IL16: variants seen among roughly 807,000 people sequenced by gnomAD.
IL16 encodes interleukin 16, also known as pro-interleukin-16.
Under a neutral mutation model 110.1 loss-of-function variants are expected in IL16, and 67 were observed. The ratio of observed to expected loss-of-function variants is 0.61; its 90% confidence interval spans 0.50 to 0.75. IL16 has a LOEUF of 0.75. IL16 is among the 30% of genes least tolerant of loss of function. The pLI is 0.00. For missense variants in IL16, 1,545 were observed against 1,655.0 expected, an observed-to-expected ratio of 0.93 and a Z score of 1.15; for synonymous variants, 689 against 662.9, an observed-to-expected ratio of 1.04 and a Z score of -0.61.
In IL16 at chr15:81,308,803, G is replaced by A; in HGVS notation, c.*5G>A. The A allele has an allele frequency of 6.8e-6, 11 of 1,607,772 alleles. No individual in the cohort carries two copies. Among genetic ancestry groups the A allele is most frequent in the Non-Finnish European group, 8.5e-6 (10 of 1,177,924 alleles). On this transcript the variant is annotated 3_prime_UTR_variant, in exon 19 of 19. Coordinates refer to ENST00000683961, the MANE Select transcript of IL16 (RefSeq NM_172217.5). ...ACAGCTGCTGGAGACTCCTAGGCAG[G>A]ACATGCTGAAGCCAAAGCCAATAAC...
Position 81,296,935 on chromosome 15 carries a change from G to C in IL16, c.1910G>C (p.Arg637Thr), listed in dbSNP as rs1232140347. 6.2e-7 allele frequency: 1 copy of C among 1,610,162 alleles called. No individual in the cohort carries two copies. ...HTPPTCGQEA[R>T]ELLPLLLPQE... is the part of the protein sequence containing the mutation. ...TTCCTGTTTACACCACAGGAAGCGAGAGAGCTGCTGCCACTGCTGCTACCA... is the reference window on the plus strand; with the variant it reads ...TTCCTGTTTACACCACAGGAAGCGACAGAGCTGCTGCCACTGCTGCTACCA... Residue 637 changes from arginine (R) to threonine (T), a missense_variant, in exon 13 of 19, where the codon AGA becomes ACA. By Grantham distance (71) the Arg-to-Thr change is moderately conservative (BLOSUM62 -1). Around this residue, in one of 3 missense-constraint regions of IL16, gnomAD observed 1,185 missense variants for 1,238.8 expected, o/e 0.96. Transcript: ENST00000683961.
chr15:81,286,257 A>G (rs920277775), intron 10 of IL16, among the ~76,000 whole-genome samples: 1 of 152,240 alleles, frequency 6.6e-6, no homozygotes, highest in African/African-American at 2.4e-5. Context: ...CATACAAATA[A>G]TTGCAAAACA....
intron 10 of IL16, among the ~76,000 whole-genome samples, chr15:81,289,264 T>G (rs1899596622): frequency 6.6e-6 from 1 of 152,114 alleles, no homozygotes; most frequent in African/African-American, 2.4e-5. Flanking sequence ...GCCTCCCTAG[T>G]AGCAGGGATT....
chr15:81,210,778 T>C (rs1595950688), intron 1 of IL16, among the ~76,000 whole-genome samples: 2 of 152,256 alleles, frequency 1.3e-5, no homozygotes, highest in East Asian at 3.8e-4. Context: ...TAGATTCATA[T>C]TGACAACGAA....
Position 81,300,176 on chromosome 15 carries a change from G to A in IL16, c.2850G>A (p.Glu950=), listed in dbSNP as rs760970110. The part of the protein sequence containing the change: ...PLLRLLSTQA[E]ESQGPVLKMP... ...TAAGGCTGCTGTCAACACAGGCTGAGGAATCTCAAGGCCCAGTGCTCAAGA... is the reference window on the plus strand; with the variant it reads ...TAAGGCTGCTGTCAACACAGGCTGAAGAATCTCAAGGCCCAGTGCTCAAGA... The change falls in exon 14 of 19, where the codon GAG becomes GAA. Residue 950 remains glutamate (E), a synonymous_variant. Coordinates refer to ENST00000683961, the MANE Select transcript of IL16 (RefSeq NM_172217.5). The A allele has an allele frequency of 1.2e-6, 2 of 1,614,136 alleles. No homozygotes were observed. The highest frequency in any genetic ancestry group is 1.7e-5 in the Admixed American group (1 of 60,022).
intron 3 of IL16, among the ~76,000 whole-genome samples, chr15:81,263,481 T>C (rs1898244434): frequency 1.3e-5 from 2 of 152,118 alleles, no homozygotes. Flanking sequence ...CCTAGTTGGC[T>C]GGAGTGCGTC....
intron 2 of IL16, among the ~76,000 whole-genome samples, chr15:81,232,644 A>G (rs1897049609): frequency 6.6e-6 from 1 of 152,222 alleles, no homozygotes; most frequent in African/African-American, 2.4e-5. Flanking sequence ...TTACTTTTTC[A>G]TGTAGTGAAT....
At chr15:81,230,549 G>A (rs1473339488) in intron 2 of IL16, among the ~76,000 whole-genome samples, 1 of 152,164 alleles carries the variant, frequency 6.6e-6, no homozygotes, top group Non-Finnish European at 1.5e-5. Flanking sequence ...GCAGGTGTAA[G>A]CATAGTTAAT....
At chr15:81,236,285 G>C (rs960422089) in intron 2 of IL16, among the ~76,000 whole-genome samples, 1 of 152,200 alleles carries the variant, frequency 6.6e-6, no homozygotes, top group Non-Finnish European at 1.5e-5. Context: ...TGGCAAGTGG[G>C]AAACCCAATC....
At chr15:81,262,510 A>G (rs922460353) in intron 3 of IL16, among the ~76,000 whole-genome samples, 2 of 152,154 alleles carry the variant, frequency 1.3e-5, no homozygotes, top group African/African-American at 4.8e-5. Flanking sequence ...AAATGAATAG[A>G]GAATTATTCT....
intron 12 of IL16, among the ~76,000 whole-genome samples, chr15:81,293,498 C>A (rs1303369402): frequency 6.6e-6 from 1 of 152,042 alleles, no homozygotes; most frequent in Non-Finnish European, 1.5e-5. Context: ...CTCAGGAGTT[C>A]AAGACCAGCC....
intron 7 of IL16, 67 bp downstream of exon 7, chr15:81,278,957 C>T (rs1347361361): frequency 6.8e-6 from 7 of 1,028,488 alleles, no homozygotes; most frequent in East Asian, 2.4e-5. Flanking sequence ...AAGCTCTCAG[C>T]ATCCAAACCT....
At chr15:81,221,839 T>C (rs2142025038) in intron 1 of IL16, among the ~76,000 whole-genome samples, 1 of 152,316 alleles carries the variant, frequency 6.6e-6, no homozygotes, top group South Asian at 2.1e-4. Flanking sequence ...GGTGATTCTC[T>C]TGGGAAGAGC....
chr15:81,308,720 G>A lies in IL16; in HGVS notation c.3921G>A (p.Leu1307=), dbSNP rs766506258. The change falls in exon 19 of 19, where the codon CTG becomes CTA. Residue 1307 remains leucine, a synonymous_variant. Transcript: ENST00000683961. ...RFEAWNIIKA[L]PDGPVTIVIR... is the part of the protein sequence containing the mutation. ...AAGCCTGGAACATCATCAAGGCACT[G>A]CCTGATGGACCTGTCACGATTGTCA... 4 of 1,614,078 alleles carry A rather than the reference G, an allele frequency of 2.5e-6. No homozygotes were observed. In the East Asian group the frequency reaches 6.7e-5, roughly 27 times the overall value.
Position 81,282,693 on chromosome 15 carries a change from T to C in IL16, c.1136T>C (p.Ile379Thr). 6.2e-6 allele frequency: 10 copies of C among 1,614,126 alleles called. No homozygotes were observed. The highest frequency in any genetic ancestry group is 8.5e-6 in the Non-Finnish European group (10 of 1,180,018). Residue 379 changes from isoleucine to threonine, a missense_variant, in exon 9 of 19, where the codon ATC (isoleucine) becomes ACC (threonine). Around this residue, in one of 3 missense-constraint regions of IL16, gnomAD observed 1,185 missense variants for 1,238.8 expected, o/e 0.96. Transcript: ENST00000683961. Reference protein sequence around the residue: ...GLCSVPYFQCISGIFVHTLSP... With the variant: ...GLCSVPYFQCTSGIFVHTLSP... ...TGCAGCGTTCCCTACTTCCAATGCA[T>C]CTCTGGCATTTTCGTCCACACGCTG...
At position 81,273,185 on chromosome 15, in the gene IL16, C is replaced by T. The variant is rs750268788; in HGVS notation, c.771C>T (p.Ala257=). 47 of 1,612,012 alleles carry T rather than the reference C, an allele frequency of 2.9e-5. No individual in the cohort carries two copies. Among genetic ancestry groups the T allele is most frequent in the Non-Finnish European group, 3.7e-5 (44 of 1,178,804 alleles). The change falls in exon 6 of 19, where the codon GCC becomes GCT. Residue 257 remains alanine (A), a synonymous_variant. Coordinates refer to ENST00000683961, the MANE Select transcript of IL16 (RefSeq NM_172217.5). ...KTIFAGGAAA[A]DGRLQEGDEI... is the part of the protein sequence containing the mutation. Reference sequence around the variant, plus strand: ...TTTTTGCAGGGGGAGCAGCAGCAGCCGATGGAAGGCTACAGGAAGGTAGGC... The same window carrying T: ...TTTTTGCAGGGGGAGCAGCAGCAGCTGATGGAAGGCTACAGGAAGGTAGGC...
chr15:81,188,332 G>C (rs558888020), intron 1 of IL16: 2 of 456,348 alleles, frequency 4.4e-6, no homozygotes, highest in South Asian at 3.1e-5. Flanking sequence ...GCACACTGCT[G>C]TTCTTTTCTT....
rs1900168102 is a variant in IL16, at chr15:81,299,702, T to C, written c.2376T>C (p.Phe792=). ...CTGTGGCTCCCAAGCCAGCCTGGTTTCGCCAAAGCTTGAAAGGTTTGAGGA... is the reference window on the plus strand; with the variant it reads ...CTGTGGCTCCCAAGCCAGCCTGGTTCCGCCAAAGCTTGAAAGGTTTGAGGA... ...GPPVAPKPAW[F]RQSLKGLRNR... The change falls in exon 14 of 19, where the codon TTT becomes TTC. Residue 792 remains phenylalanine (F), a synonymous_variant. Transcript: ENST00000683961. The C allele has an allele frequency of 1.9e-6, 3 of 1,614,236 alleles. No homozygotes were observed. The highest frequency in any genetic ancestry group is 2.5e-6 in the Non-Finnish European group (3 of 1,180,046).
upstream of IL16, among the ~76,000 whole-genome samples, chr15:81,196,106 A>G (rs1895591023): frequency 1.3e-5 from 2 of 152,232 alleles, no homozygotes; most frequent in Admixed American, 1.3e-4. Flanking sequence ...TTTCTAGCAG[A>G]TGCTGCTGAT....
Sources: allele counts gnomAD v4.1 joint callset (sites outside exome capture counted in the v4.1 genomes callset), GRCh38; gene constraint gnomAD v4.1.1; regional missense constraint gnomAD v4.1.1; transcripts MANE v1.5; gene names NCBI Gene and HGNC (gene_info 2026-07-23, HGNC 2026-07-21).